Variants in ALG10 observed in about 807,000 individuals in gnomAD.
ALG10 encodes dol-P-Glc:Glc(2)Man(9)GlcNAc(2)-PP-Dol alpha-1,2-glucosyltransferase A.
In ALG10, 25 loss-of-function variants were observed where a neutral mutation model predicts 39.2. That is an observed-to-expected ratio of 0.64 (90% CI 0.46 to 0.89). The LOEUF is 0.89. Among genes scored for constraint, ALG10 ranks in the 40% least tolerant of loss-of-function variants. The pLI is 0.00. For synonymous variants in ALG10, 184 were observed against 193.9 expected, an observed-to-expected ratio of 0.95 and a Z score of 0.42; for missense variants, 486 against 546.6, an observed-to-expected ratio of 0.89 and a Z score of 1.11.
chr12:34,022,534 A>C lies in ALG10; in HGVS notation c.-66A>C. ...GCGCCCATTTCGAGCCCAAGTTTCC[A>C]GCTCGGGTTTCCAGGCTCAGAATTT... On this transcript the variant is annotated 5_prime_UTR_variant, in exon 1 of 3. Transcript: ENST00000266483. 7.4e-6 allele frequency: 12 copies of C among 1,613,156 alleles called. No individual in the cohort carries two copies. The highest frequency in any genetic ancestry group is 1.0e-5 in the Non-Finnish European group (12 of 1,179,644).
In ALG10 at chr12:34,025,980, G is replaced by A; in HGVS notation, c.487G>A (p.Ala163Thr). The change falls in exon 3 of 3, where the codon GCG (alanine) becomes ACG (threonine). Residue 163 changes from alanine to threonine, a missense_variant. Coordinates refer to ENST00000266483, the MANE Select transcript of ALG10 (RefSeq NM_032834.4). Reference sequence around the variant, plus strand: ...AGGATCTATGTTTTTTACTCTTTTTGCGTATTTGATGTGTCTTTATGGAAA... The same window carrying A: ...AGGATCTATGTTTTTTACTCTTTTTACGTATTTGATGTGTCTTTATGGAAA... The part of the protein sequence containing the change: ...EAGSMFFTLF[A>T]YLMCLYGNHK... The A allele has an allele frequency of 6.2e-7, 1 of 1,613,622 alleles. No homozygotes were observed. The highest frequency in any genetic ancestry group is 8.5e-7 in the Non-Finnish European group (1 of 1,179,876).
chr12:34,022,491 T>C, upstream of ALG10: 1 of 1,566,664 alleles, frequency 6.4e-7, no homozygotes, highest in Non-Finnish European at 8.8e-7. Flanking sequence ...TGGCCCCGTC[T>C]GGCTAGTCCC....
intron 1 of ALG10, chr12:34,023,446 T>C (rs1454558388): frequency 5.4e-6 from 1 of 185,854 alleles, no homozygotes; most frequent in Non-Finnish European, 1.1e-5. Context: ...TTACTAGTTT[T>C]GTGATCTTGG....
rs2120700206 is a variant in ALG10, at chr12:34,027,339, T to A, written c.*424T>A. On this transcript the variant is annotated 3_prime_UTR_variant, in exon 3 of 3. Transcript: ENST00000266483. ...TTGAAAGTAATGGCAAAACCACAAT[T>A]ACTTTTTTACCAACCTAATAACAAT... is the stretch of plus-strand genomic sequence containing the variant. The A allele has an allele frequency of 6.5e-6, 1 of 153,040 alleles. No individual in the cohort carries two copies. Among genetic ancestry groups the A allele is most frequent in the South Asian group, 2.1e-4 (1 of 4,834 alleles). The allele number at this position is 153,040 out of a possible 1,614,324, so 9.5% of individuals were successfully genotyped here.
chr12:34,027,167 C>A lies in ALG10; in HGVS notation c.*252C>A. On this transcript the variant is annotated 3_prime_UTR_variant, in exon 3 of 3. Coordinates refer to ENST00000266483, the MANE Select transcript of ALG10 (RefSeq NM_032834.4). ...TTGTTTTCAGATATCTCATATCACT[C>A]TCATAATGTTGGCCCCTTAAAAAGC... 1 of 321,584 alleles carries A rather than the reference C, an allele frequency of 3.1e-6. No homozygotes were observed. Among genetic ancestry groups the A allele is most frequent in the Non-Finnish European group, 5.6e-6 (1 of 179,798 alleles). 19.9% of individuals were successfully genotyped at this position (321,584 alleles called of 1,614,324 possible).
In ALG10 at chr12:34,025,901, A is replaced by T. The variant is rs565008457; in HGVS notation, c.408A>T (p.Thr136=). Residue 136 remains threonine (T), a synonymous_variant, in exon 3 of 3, where the codon ACA becomes ACT. Transcript: ENST00000266483. ...SSIQRVLSTL[T]LAVFPTLYFF... ...TCCAGAGAGTCTTGTCAACATTAAC[A>T]CTAGCAGTATTTCCAACACTTTATT... 1.9e-6 allele frequency: 3 copies of T among 1,614,000 alleles called. No homozygotes were observed. The highest frequency in any genetic ancestry group is 2.7e-5 in the African/African-American group (2 of 75,032).
rs371911464 is a variant in ALG10 at position 34,022,596 on chromosome 12, T to C, written c.-4T>C. 3.0e-5 allele frequency: 49 copies of C among 1,613,914 alleles called. No homozygotes were observed. The highest frequency in any genetic ancestry group is 9.3e-5 in the African/African-American group (7 of 74,902). On this transcript the variant is annotated 5_prime_UTR_variant, in exon 1 of 3. Coordinates refer to ENST00000266483, the MANE Select transcript of ALG10 (RefSeq NM_032834.4). ...GTTCTTGGGCAGTGGCTGTGGGAGC[T>C]GGAATGGCGCAGCTGGAAGGTTACT...
chr12:34,022,742 A>G lies in ALG10; in HGVS notation c.143A>G (p.Tyr48Cys). Residue 48 changes from tyrosine (Y) to cysteine (C), a missense_variant, in exon 1 of 3, where the codon TAC (tyrosine) becomes TGC (cysteine). By Grantham distance (194) the Tyr-to-Cys change is radical. Coordinates refer to ENST00000266483, the MANE Select transcript of ALG10 (RefSeq NM_032834.4). ...EIFHLPQAQR[Y>C]CEGHFSLSQW... ...TTCCACCTGCCTCAGGCGCAGCGCT[A>G]CTGTGAGGGCCATTTCTCCCTTTCC... is the stretch of plus-strand genomic sequence containing the variant. 1 of 1,614,090 alleles carries G rather than the reference A, an allele frequency of 6.2e-7. No homozygotes were observed. Among genetic ancestry groups the G allele is most frequent in the Non-Finnish European group, 8.5e-7 (1 of 1,179,996 alleles).
intron 1 of ALG10, chr12:34,023,122 C>G (rs1378306658): frequency 1.2e-5 from 3 of 245,216 alleles, no homozygotes; most frequent in African/African-American, 6.7e-5. Context: ...TTTCCTTTAG[C>G]TCACCTGTCA....
chr12:34,022,608 G>C lies in ALG10; in HGVS notation c.9G>C (p.Gln3His). The C allele has an allele frequency of 6.2e-7, 1 of 1,614,134 alleles. No individual in the cohort carries two copies. The highest frequency in any genetic ancestry group is 1.1e-5 in the South Asian group (1 of 91,078). ...TGGCTGTGGGAGCTGGAATGGCGCA[G>C]CTGGAAGGTTACTATTTCTCGGCCG... MA[Q>H]LEGYYFSAAL... Residue 3 changes from glutamine (Q) to histidine (H), a missense_variant, in exon 1 of 3, where the codon CAG becomes CAC. By Grantham distance (24) the Gln-to-His change is conservative (BLOSUM62 0). Transcript: ENST00000266483.
intron 2 of ALG10, among the ~76,000 whole-genome samples, chr12:34,025,394 T>C (rs1197564): frequency 0.015 from 2,339 of 152,282 alleles, 52 homozygotes; most frequent in African/African-American, 0.053. Flanking sequence ...GTATACCATA[T>C]GCATGTTTAT....
rs750302483 is a variant in ALG10, at chr12:34,024,108, C to T, written c.318C>T (p.Gly106=). The change falls in exon 2 of 3, where the codon GGC becomes GGT. Residue 106 remains glycine (G), a synonymous_variant. Transcript: ENST00000266483. ...TTGTTAATCTTCTCTTCAGTGTTGG[C>T]AACTTCTATTTACTATATTTGCTTT... ...LRFVNLLFSV[G]NFYLLYLLFC... is the part of the protein sequence containing the mutation. 3 of 1,614,136 alleles carry T rather than the reference C, an allele frequency of 1.9e-6. No individual in the cohort carries two copies. Among genetic ancestry groups the T allele is most frequent in the South Asian group, 2.2e-5 (2 of 91,082 alleles).
In ALG10 at chr12:34,024,110, A is replaced by T. The variant is rs779424530; in HGVS notation, c.320A>T (p.Asn107Ile). The change falls in exon 2 of 3, where the codon AAC becomes ATC. Residue 107 changes from asparagine (N) to isoleucine (I), a missense_variant. Physicochemically the swap from Asn to Ile is moderately radical, Grantham distance 149. Transcript: ENST00000266483. ...RFVNLLFSVG[N>I]FYLLYLLFCK... is the part of the protein sequence containing the mutation. ...GTTAATCTTCTCTTCAGTGTTGGCA[A>T]CTTCTATTTACTATATTTGCTTTTC... 54 of 1,614,044 alleles carry T rather than the reference A, an allele frequency of 3.3e-5. No individual in the cohort carries two copies. The highest frequency in any genetic ancestry group is 4.2e-5 in the Non-Finnish European group (50 of 1,180,010).
rs1942840227 is a variant in ALG10, at chr12:34,026,939, A to G, written c.*24A>G. 1 of 1,607,068 alleles carries G rather than the reference A, an allele frequency of 6.2e-7. No homozygotes were observed. Among genetic ancestry groups the G allele is most frequent in the Non-Finnish European group, 8.5e-7 (1 of 1,176,046 alleles). On this transcript the variant is annotated 3_prime_UTR_variant, in exon 3 of 3. Coordinates refer to ENST00000266483, the MANE Select transcript of ALG10 (RefSeq NM_032834.4). The stretch of plus-strand genomic sequence containing the variant: ...AATATCAGTGATATTTCGAACTGTG[A>G]AAATGGACTTAATAATTAGACCATT...
At position 34,024,065 on chromosome 12, in the gene ALG10, C is replaced by A; in HGVS notation, c.275C>A (p.Ser92Tyr). Reference protein sequence around the residue: ...IFGWSEHVVCSIGMLRFVNLL... With the variant: ...IFGWSEHVVCYIGMLRFVNLL... ...GGATGGTCTGAACATGTTGTCTGCTCCATTGGGATGCTCAGATTTGTTAAT... is the reference window on the plus strand; with the variant it reads ...GGATGGTCTGAACATGTTGTCTGCTACATTGGGATGCTCAGATTTGTTAAT... The change falls in exon 2 of 3, where the codon TCC becomes TAC. Residue 92 changes from serine (S) to tyrosine (Y), a missense_variant. By Grantham distance (144) the Ser-to-Tyr change is moderately radical. Transcript: ENST00000266483. 6.2e-7 allele frequency: 1 copy of A among 1,614,114 alleles called. No homozygotes were observed. The highest frequency in any genetic ancestry group is 8.5e-7 in the Non-Finnish European group (1 of 1,180,002).
chr12:34,022,564 G>C lies in ALG10; in HGVS notation c.-36G>C. 1 of 1,613,918 alleles carries C rather than the reference G, an allele frequency of 6.2e-7. No individual in the cohort carries two copies. ...GGGTTTCCAGGCTCAGAATTTTCCA[G>C]GAGTAGGTTCTTGGGCAGTGGCTGT... On this transcript the variant is annotated 5_prime_UTR_variant, in exon 1 of 3. Coordinates refer to ENST00000266483, the MANE Select transcript of ALG10 (RefSeq NM_032834.4).
At position 34,027,422 on chromosome 12, in the gene ALG10, C is replaced by T. The variant is rs1942846234; in HGVS notation, c.*507C>T. 6.6e-6 allele frequency: 1 copy of T among 152,564 alleles called. No homozygotes were observed. Among genetic ancestry groups the T allele is most frequent in the Admixed American group, 6.5e-5 (1 of 15,270 alleles). The allele number at this position is 152,564 out of a possible 1,614,324, so 9.5% of individuals were successfully genotyped here. A position where few individuals can be genotyped will look rare whatever the true frequency, so the allele number is the denominator to read the frequency against. ...TATTCTTGATTGAAAAGTTGCTTAACATTTCAGTAATATAATTTTAATTCT... is the reference window on the plus strand; with the variant it reads ...TATTCTTGATTGAAAAGTTGCTTAATATTTCAGTAATATAATTTTAATTCT... On this transcript the variant is annotated 3_prime_UTR_variant, in exon 3 of 3. Coordinates refer to ENST00000266483, the MANE Select transcript of ALG10 (RefSeq NM_032834.4).
intron 2 of ALG10, among the ~76,000 whole-genome samples, chr12:34,025,650 A>G (rs997200385): frequency 2.0e-5 from 3 of 152,194 alleles, no homozygotes; most frequent in African/African-American, 7.2e-5. Context: ...ATGGTCTCCA[A>G]ACTGATAGGT....
rs563942493 is a variant in ALG10 at position 34,022,934 on chromosome 12, A to C, written c.171+164A>C. 4 of 920,248 alleles carry C rather than the reference A, an allele frequency of 4.3e-6. No individual in the cohort carries two copies. In the South Asian group the frequency reaches 7.0e-5, roughly 16 times the overall value. The allele number at this position is 920,248 out of a possible 1,614,324, so 57.0% of individuals were successfully genotyped here. A position where few individuals can be genotyped will look rare whatever the true frequency, so the allele number is the denominator to read the frequency against. On this transcript the variant is annotated intron_variant, in intron 1 of 2. Coordinates refer to ENST00000266483, the MANE Select transcript of ALG10 (RefSeq NM_032834.4). ...TTGTTCCTGTCTCTGAGATCTGTGA[A>C]ATATTTATTAAATGAATGAATAAAC...
Sources: gnomAD v4.1 joint callset for allele counts (sites outside exome capture counted in the v4.1 genomes callset) on GRCh38, gnomAD v4.1.1 for gene constraint, MANE v1.5 for transcripts, NCBI Gene and HGNC (gene_info 2026-07-23, HGNC 2026-07-21) for gene names.